Variants in DLC1 observed in about 807,000 individuals in gnomAD.
The protein encoded by DLC1 is rho GTPase-activating protein 7.
In DLC1, 54 loss-of-function variants were observed where a neutral mutation model predicts 140.3. The ratio of observed to expected loss-of-function variants is 0.38; its 90% CI spans 0.31 to 0.48. The LOEUF is 0.48. DLC1 is among the 20% of genes least tolerant of loss of function. DLC1 has a pLI of 0.96. For synonymous variants in DLC1, 986 were observed against 728.1 expected, an observed-to-expected ratio of 1.35 and a Z score of -5.70; for missense variants, 2,536 against 1,907.0, an observed-to-expected ratio of 1.33 and a Z score of -6.14.
At chr8:13,279,301 C>G (rs564196749) in intron 5 of DLC1, among the ~76,000 whole-genome samples, 3 of 152,182 alleles carry the variant, frequency 2.0e-5, no homozygotes, top group South Asian at 2.1e-4. Flanking sequence ...AACAACCCTC[C>G]TCCTCTTAGC....
chr8:13,194,151 C>A (rs1411069380), intron 5 of DLC1, among the ~76,000 whole-genome samples: 1 of 152,142 alleles, frequency 6.6e-6, no homozygotes, highest in Non-Finnish European at 1.5e-5. Context: ...AGAAAACATA[C>A]CTGTGTTCAA....
Position 13,178,285 on chromosome 8 carries a change from G to A in DLC1, c.1349-62628C>T, listed in dbSNP as rs372558719. 3.0e-4 allele frequency among the ~76,000 whole-genome samples: 46 copies of A among 152,236 alleles called. 1 individual carries two copies. The East Asian group carries it at 8.3e-3, about 28-fold the overall frequency. On this transcript the variant is annotated intron_variant, in intron 5 of 17. Coordinates refer to ENST00000276297, the MANE Select transcript of DLC1 (RefSeq NM_182643.3). Reference sequence around the variant, plus strand: ...AACTATGATACAAGAAAAATAGGCCGGGCGCGGTGGCTCACGCCTGTAATC... The same window carrying A: ...AACTATGATACAAGAAAAATAGGCCAGGCGCGGTGGCTCACGCCTGTAATC...
At chr8:13,517,826 G>C (rs1411016335), upstream of DLC1, among the ~76,000 whole-genome samples, 1 of 152,192 alleles carries the variant, frequency 6.6e-6, no homozygotes, top group Non-Finnish European at 1.5e-5. Flanking sequence ...ACCGGGGTGA[G>C]GATGTCTTAG....
At chr8:13,274,658 TAGAGGATATTATTATTCTC>T (rs1298793422) in intron 5 of DLC1, among the ~76,000 whole-genome samples, 1 of 152,208 alleles carries the variant, frequency 6.6e-6, no homozygotes, top group African/African-American at 2.4e-5. Flanking sequence ...TTCTTATTCT[TAGAGGATATTATTATTCTC>T]ATCAGCTGTC....
chr8:13,128,299 C>T (rs940373959), intron 5 of DLC1, among the ~76,000 whole-genome samples: 2 of 152,162 alleles, frequency 1.3e-5, no homozygotes, highest in African/African-American at 4.8e-5. Context: ...CAACGCGGGC[C>T]AGAGTTTTAG....
intron 5 of DLC1, among the ~76,000 whole-genome samples, chr8:13,143,287 T>A (rs1180094306): frequency 2.6e-5 from 4 of 152,226 alleles, no homozygotes; most frequent in Non-Finnish European, 5.9e-5. Flanking sequence ...ACCGCTGTTG[T>A]GCTCTGAAAA....
intron 2 of DLC1, among the ~76,000 whole-genome samples, chr8:13,448,934 G>C (rs2116958427): frequency 6.6e-6 from 1 of 152,224 alleles, no homozygotes; most frequent in Non-Finnish European, 1.5e-5. Context: ...AGGAGGTTTT[G>C]GAGCATCTGT....
At chr8:13,458,277 C>T (rs1438642358) in intron 2 of DLC1, among the ~76,000 whole-genome samples, 6 of 152,030 alleles carry the variant, frequency 3.9e-5, no homozygotes, top group African/African-American at 9.7e-5. Context: ...TTGGCAAGAT[C>T]CATAATTTTA....
At chr8:13,400,638 G>C (rs1837252674) in intron 3 of DLC1, among the ~76,000 whole-genome samples, 2 of 152,114 alleles carry the variant, frequency 1.3e-5, no homozygotes, top group African/African-American at 4.8e-5. Context: ...TTCAGTAGGT[G>C]CTCAAATTTA....
chr8:13,395,529 G>A (rs779208415), intron 3 of DLC1, among the ~76,000 whole-genome samples: 26 of 152,110 alleles, frequency 1.7e-4, no homozygotes, highest in Non-Finnish European at 4.4e-5. Flanking sequence ...ATAGTGCCTG[G>A]CAGATAGAAC....
At chr8:13,517,288 G>A (rs926144933), upstream of DLC1, among the ~76,000 whole-genome samples, 7 of 152,060 alleles carry the variant, frequency 4.6e-5, no homozygotes, top group East Asian at 3.9e-4. Context: ...ACTGTACCCC[G>A]CGCCATATAC....
chr8:13,567,765 C>T (rs1373784992), intron 1 of DLC1: 1 of 1,551,936 alleles, frequency 6.4e-7, no homozygotes, highest in Non-Finnish European at 8.7e-7. Context: ...CAGATGACCC[C>T]AGAATAATCT....
chr8:13,305,997 T>G (rs140786820), intron 4 of DLC1, among the ~76,000 whole-genome samples: 2,959 of 152,330 alleles, frequency 0.019, 41 homozygotes, highest in Non-Finnish European at 0.029. Context: ...GCTTATTTTT[T>G]CTGTGCACAC....
chr8:13,592,260 C>T (rs1378714703), intron 1 of DLC1, among the ~76,000 whole-genome samples: 1 of 152,092 alleles, frequency 6.6e-6, no homozygotes, highest in Non-Finnish European at 1.5e-5. Flanking sequence ...CTTACATTTT[C>T]TAGTGAGATA....
intron 7 of DLC1, among the ~76,000 whole-genome samples, chr8:13,109,627 G>A (rs1364320103): frequency 6.6e-6 from 1 of 151,566 alleles, no homozygotes; most frequent in Non-Finnish European, 1.5e-5. Context: ...GCTCACGCCT[G>A]TAATCCCTGG....
intron 5 of DLC1, among the ~76,000 whole-genome samples, chr8:13,184,890 C>G (rs771847440): frequency 5.6e-4 from 85 of 152,102 alleles, no homozygotes; most frequent in Non-Finnish European, 8.2e-4. Flanking sequence ...TTAATATTGA[C>G]AGAGGGGTGT....
chr8:13,451,019 T>C (rs1799015848), intron 2 of DLC1, among the ~76,000 whole-genome samples: 2 of 83,694 alleles, frequency 2.4e-5, no homozygotes, highest in East Asian at 3.1e-4. Flanking sequence ...AGCCTGGTGA[T>C]AGAGTGAGAC....
At chr8:13,351,889 A>C (rs1834685221) in intron 4 of DLC1, among the ~76,000 whole-genome samples, 1 of 152,180 alleles carries the variant, frequency 6.6e-6, no homozygotes, top group African/African-American at 2.4e-5. Flanking sequence ...TCATGAATAT[A>C]ATAACATATC....
intron 5 of DLC1, among the ~76,000 whole-genome samples, chr8:13,175,023 A>G (rs1249711475): frequency 3.4e-5 from 4 of 119,326 alleles, no homozygotes; most frequent in Admixed American, 9.2e-5. Context: ...CCTTTAATCC[A>G]TCTTCAGTTA....
Sources: allele counts gnomAD v4.1 joint callset (sites outside exome capture counted in the v4.1 genomes callset), GRCh38; gene constraint gnomAD v4.1.1; transcripts MANE v1.5; gene names NCBI Gene and HGNC (gene_info 2026-07-23, HGNC 2026-07-21).